Variants in CD44 observed in about 807,000 individuals in gnomAD.
CD44 encodes the protein CD44 antigen.
Under a neutral mutation model 88.8 loss-of-function variants are expected in CD44, and 49 were observed. The ratio of observed to expected loss-of-function variants is 0.55; its 90% CI spans 0.44 to 0.70. The LOEUF (loss-of-function observed/expected upper bound fraction) is 0.70. Ranked by LOEUF, CD44 falls within the 30% of genes least tolerant of loss-of-function variation. The pLI, the probability that CD44 is intolerant of heterozygous loss-of-function variation, is 0.00. For missense variants in CD44, 883 were observed against 913.8 expected (o/e 0.97, Z 0.43); for synonymous variants, 325 against 312.3 (o/e 1.04, Z -0.43).
chr11:35,212,342 ATCT>A (rs1457073769), intron 14 of CD44, among the ~76,000 whole-genome samples: 1 of 152,060 alleles, frequency 6.6e-6, no homozygotes. Flanking sequence ...TGGAGCAGAG[ATCT>A]TCTCTCCTCC....
chr11:35,194,722 T>C lies in CD44; in HGVS notation c.668-2024T>C, dbSNP rs537442906. On this transcript the variant is annotated intron_variant, in intron 5 of 17. Coordinates refer to ENST00000428726, the MANE Select transcript of CD44 (RefSeq NM_000610.4). ...TGGGGATATGATTGATATTCTTAAA[T>C]GTCCTGTATGTTTTCCTTTTGGCAA... Among the ~76,000 whole-genome samples, 7 of 152,354 alleles carry C rather than the reference T, an allele frequency of 4.6e-5. No individual in the cohort carries two copies. In the East Asian group the frequency reaches 1.2e-3, roughly 25 times the overall value.
intron 2 of CD44, among the ~76,000 whole-genome samples, chr11:35,177,560 G>A (rs566900888): frequency 4.6e-5 from 7 of 152,280 alleles, no homozygotes; most frequent in African/African-American, 1.7e-4. Flanking sequence ...GTGTCTTTAG[G>A]TAATATGATT....
chr11:35,160,791 G>A lies in CD44; in HGVS notation c.68-15784G>A, dbSNP rs150244870. 2.0e-5 allele frequency among the ~76,000 whole-genome samples: 3 copies of A among 152,282 alleles called. No homozygotes were observed. The East Asian group carries it at 5.8e-4, about 29-fold the overall frequency. On this transcript the variant is annotated intron_variant, in intron 1 of 17. Transcript: ENST00000428726. Reference sequence around the variant, plus strand: ...CATTTATTGTACACCATACTAAATGGCAGACACTGGGGACACAAAGATGAA... The same window carrying A: ...CATTTATTGTACACCATACTAAATGACAGACACTGGGGACACAAAGATGAA...
At chr11:35,139,414 G>T in intron 1 of CD44, 44 bp downstream of exon 1, 2 of 1,521,908 alleles carry the variant, frequency 1.3e-6, no homozygotes, top group Non-Finnish European at 1.8e-6. Context: ...GGTGCGGGGT[G>T]CTCAGCGCGG....
At chr11:35,209,372 GA>G (rs1387582970) in intron 12 of CD44, among the ~76,000 whole-genome samples, 7 of 152,132 alleles carry the variant, frequency 4.6e-5, no homozygotes, top group African/African-American at 1.7e-4. Context: ...GTGAAATTAA[GA>G]AATAACTTAA....
intron 1 of CD44, among the ~76,000 whole-genome samples, chr11:35,175,016 C>T (rs1395200898): frequency 1.3e-5 from 2 of 152,036 alleles, no homozygotes; most frequent in East Asian, 3.8e-4. Context: ...GGGGGTTAGA[C>T]AAGGGTGTTT....
intron 15 of CD44, among the ~76,000 whole-genome samples, chr11:35,218,401 T>C (rs930714897): frequency 6.6e-6 from 1 of 152,148 alleles, no homozygotes; most frequent in Non-Finnish European, 1.5e-5. Context: ...CAATCTCAGC[T>C]CACTGCAACC....
At chr11:35,206,699 T>C (rs1947899630) in intron 11 of CD44, among the ~76,000 whole-genome samples, 1 of 150,564 alleles carries the variant, frequency 6.6e-6, no homozygotes, top group African/African-American at 2.4e-5. Context: ...AGAAGGAGAC[T>C]CCTGTAAGGA....
chr11:35,190,095 A>G (rs767788738), intron 5 of CD44, 30 bp downstream of exon 5: 4 of 1,575,378 alleles, frequency 2.5e-6, no homozygotes, highest in Non-Finnish European at 2.6e-6. Flanking sequence ...GTGCTTCCCA[A>G]TAGCAATTCC....
intron 1 of CD44, among the ~76,000 whole-genome samples, chr11:35,175,432 G>A (rs1944347092): frequency 6.6e-6 from 1 of 152,154 alleles, no homozygotes; most frequent in South Asian, 2.1e-4. Context: ...AATTATGCAA[G>A]CATATGTGTG....
intron 7 of CD44, 86 bp downstream of exon 7, chr11:35,198,332 G>T: frequency 7.8e-7 from 1 of 1,285,964 alleles, no homozygotes; most frequent in East Asian, 2.4e-5. Context: ...CTCTTGAGAA[G>T]TAGTTAATGT....
chr11:35,201,777 T>C lies in CD44; in HGVS notation c.1143T>C (p.Ser381=), dbSNP rs745717049. The part of the protein sequence containing the change: ...EHHEEEETPH[S]TSTIQATPSS... ...ATGAGGAAGAAGAGACCCCACATTCTACAAGCACAAGTAAGCAAGATGGCG... is the reference window on the plus strand; with the variant it reads ...ATGAGGAAGAAGAGACCCCACATTCCACAAGCACAAGTAAGCAAGATGGCG... Residue 381 remains serine, a synonymous_variant, in exon 9 of 18, where the codon TCT becomes TCC. Coordinates refer to ENST00000428726, the MANE Select transcript of CD44 (RefSeq NM_000610.4). 6.2e-7 allele frequency: 1 copy of C among 1,613,654 alleles called. No homozygotes were observed. Among genetic ancestry groups the C allele is most frequent in the Admixed American group, 1.7e-5 (1 of 60,002 alleles).
At chr11:35,164,100 G>A (rs890240057) in intron 1 of CD44, among the ~76,000 whole-genome samples, 3 of 152,078 alleles carry the variant, frequency 2.0e-5, no homozygotes, top group African/African-American at 7.2e-5. Context: ...GGGCTCAGCA[G>A]TAGAAGCTGC....
At chr11:35,181,155 A>G (rs1944950971) in intron 3 of CD44, among the ~76,000 whole-genome samples, 1 of 152,176 alleles carries the variant, frequency 6.6e-6, no homozygotes, top group Admixed American at 6.5e-5. Context: ...GCTGAGAGGT[A>G]TTTATTATAT....
At position 35,229,496 on chromosome 11, in the gene CD44, GT is replaced by G; in HGVS notation, c.*164del. ...TGTTTTTTGTGTTTTGTTCTTTAAA[GT>G]CAGGTCCAATTTGTAAAAACAGCAT... On this transcript the variant is annotated 3_prime_UTR_variant, in exon 18 of 18. Coordinates refer to ENST00000428726, the MANE Select transcript of CD44 (RefSeq NM_000610.4). 1 of 578,078 alleles carries G rather than the reference GT, an allele frequency of 1.7e-6. No individual in the cohort carries two copies. The highest frequency in any genetic ancestry group is 2.8e-5 in the East Asian group (1 of 35,250). 35.8% of individuals were successfully genotyped at this position (578,078 alleles called of 1,614,324 possible).
At position 35,229,307 on chromosome 11, in the gene CD44, A is replaced by C; in HGVS notation, c.2203A>C (p.Asn735His). Residue 735 changes from asparagine to histidine, a missense_variant, in exon 18 of 18, where the codon AAT becomes CAT. Physicochemically the swap from Asn to His is moderately conservative, Grantham distance 68. Coordinates refer to ENST00000428726, the MANE Select transcript of CD44 (RefSeq NM_000610.4). Reference sequence around the variant, plus strand: ...AGCTGATGAGACAAGGAACCTGCAGAATGTGGACATGAAGATTGGGGTGTA... The same window carrying C: ...AGCTGATGAGACAAGGAACCTGCAGCATGTGGACATGAAGATTGGGGTGTA... ...MTADETRNLQ[N>H]VDMKIGV The C allele has an allele frequency of 6.2e-7, 1 of 1,613,374 alleles. No individual in the cohort carries two copies. The highest frequency in any genetic ancestry group is 8.5e-7 in the Non-Finnish European group (1 of 1,179,356).
At chr11:35,142,939 G>A (rs932071800) in intron 1 of CD44, among the ~76,000 whole-genome samples, 5 of 152,168 alleles carry the variant, frequency 3.3e-5, no homozygotes, top group South Asian at 4.2e-4. Flanking sequence ...CCCTCTCTGC[G>A]ACTTGTTAAG....
At chr11:35,199,634 C>G (rs1193149112) in intron 7 of CD44, among the ~76,000 whole-genome samples, 1 of 148,080 alleles carries the variant, frequency 6.8e-6, no homozygotes, top group South Asian at 2.2e-4. Flanking sequence ...CTAGAATTTT[C>G]TATCTAAACT....
At position 35,210,017 on chromosome 11, in the gene CD44, T is replaced by C. The variant is rs761558900; in HGVS notation, c.1569T>C (p.Asp523=). 5 of 1,568,496 alleles carry C rather than the reference T, an allele frequency of 3.2e-6. No homozygotes were observed. In the South Asian group the frequency reaches 4.8e-5, roughly 15 times the overall value. The part of the protein sequence containing the change: ...FSTSHEGLEE[D]KDHPTTSTLT... ...CATCACATGAAGGCTTGGAAGAAGA[T>C]AAAGACCATCCAACAACTTCTACTC... is the stretch of plus-strand genomic sequence containing the variant. The change falls in exon 13 of 18, where the codon GAT becomes GAC. Residue 523 remains aspartate (D), a synonymous_variant. Coordinates refer to ENST00000428726, the MANE Select transcript of CD44 (RefSeq NM_000610.4).
Sources: gnomAD v4.1 joint callset for allele counts (sites outside exome capture counted in the v4.1 genomes callset) on GRCh38, gnomAD v4.1.1 for gene constraint, MANE v1.5 for transcripts, NCBI Gene and HGNC (gene_info 2026-07-23, HGNC 2026-07-21) for gene names.